Variants in FRMPD4 observed in about 807,000 individuals in gnomAD.
FRMPD4 encodes FERM and PDZ domain-containing protein 4.
Under a neutral mutation model 94.1 loss-of-function variants are expected in FRMPD4, and 22 were observed. The ratio of observed to expected loss-of-function variants is 0.23; its 90% CI spans 0.17 to 0.33. The LOEUF (loss-of-function observed/expected upper bound fraction) is 0.33, where lower values mean the gene tolerates loss of function less well. Among genes scored for constraint, FRMPD4 ranks in the 10% least tolerant of loss-of-function variants. The pLI is 1.00. For missense variants in FRMPD4, 1,111 were observed against 1,339.9 expected, an observed-to-expected ratio of 0.83 and a Z score of 2.67; for synonymous variants, 631 against 548.6, an observed-to-expected ratio of 1.15 and a Z score of -2.10.
chrX:12,239,832 T>A (rs1297282566), intron 1 of FRMPD4, among the ~76,000 whole-genome samples: 2 of 111,480 alleles, frequency 1.8e-5, no homozygotes, highest in Non-Finnish European at 3.8e-5. Flanking sequence ...CAGGAAGAAA[T>A]GAGGGTGATA....
chrX:12,466,419 A>ACTGTGTGAT (rs1021451069), intron 1 of FRMPD4, among the ~76,000 whole-genome samples: 2 of 112,292 alleles, frequency 1.8e-5, no homozygotes, highest in Non-Finnish European at 3.8e-5. Context: ...ATACTTTTAC[A>ACTGTGTGAT]CTGTGTGATT....
chrX:12,632,575 C>T lies in FRMPD4; in HGVS notation c.422+17694C>T, dbSNP rs1454584061. ...AAATTCCTGTAGATGAATGGTTCCC[C>T]AATGGTGGGAATGTTCCAAAATGGC... On this transcript the variant is annotated intron_variant, in intron 4 of 16. Transcript: ENST00000675598. Among the ~76,000 whole-genome samples the T allele has an allele frequency of 5.4e-5, 6 of 111,803 alleles. No individual in the cohort carries two copies. The Admixed American group carries it at 5.7e-4, about 11-fold the overall frequency.
intron 2 of FRMPD4, among the ~76,000 whole-genome samples, chrX:11,867,338 T>C (rs1392405889): frequency 8.9e-6 from 1 of 112,279 alleles, no homozygotes; most frequent in Non-Finnish European, 1.9e-5. Flanking sequence ...CTGTTTCTAA[T>C]GCTTGATTCC....
At chrX:11,868,933 T>TTTGCTA (rs2053739470) in intron 2 of FRMPD4, among the ~76,000 whole-genome samples, 1 of 112,239 alleles carries the variant, frequency 8.9e-6, no homozygotes, top group Non-Finnish European at 1.9e-5. Context: ...ACCTAAAACA[T>TTTGCTA]TTGCTATCTG....
chrX:12,038,525 T>C (rs2054732533), intron 3 of FRMPD4, among the ~76,000 whole-genome samples: 1 of 112,163 alleles, frequency 8.9e-6, no homozygotes, highest in African/African-American at 3.2e-5. Context: ...GAAAAACAAT[T>C]TGATGAAGTC....
rs746470149 is a variant in FRMPD4, at chrX:12,082,890, AAGC to A, written c.95+204877_95+204879del. Among the ~76,000 whole-genome samples the A allele has an allele frequency of 2.7e-5, 3 of 112,222 alleles. No individual in the cohort carries two copies. In the East Asian group the frequency reaches 8.4e-4, roughly 31 times the overall value. ...AGGGTATCTGGCAGAAGAAATTTAT[AAGC>A]AGCAAAGCATTCAAAAGGTAACTTG... On this transcript the variant is annotated intron_variant, in intron 3 of 18. Coordinates refer to the FRMPD4 transcript ENST00000640291.
intron 3 of FRMPD4, among the ~76,000 whole-genome samples, chrX:12,100,133 T>G (rs1215982674): frequency 2.7e-5 from 3 of 112,132 alleles, no homozygotes; most frequent in Non-Finnish European, 3.8e-5. Flanking sequence ...CTGAAAAAAT[T>G]TGTCAATGGC....
At chrX:12,097,310 G>C (rs1011685661) in intron 3 of FRMPD4, among the ~76,000 whole-genome samples, 2 of 111,992 alleles carry the variant, frequency 1.8e-5, no homozygotes, top group African/African-American at 6.5e-5. Flanking sequence ...GCCAGTGAAA[G>C]TTCACAGATT....
At chrX:12,409,619 G>C (rs1203427855) in intron 1 of FRMPD4, among the ~76,000 whole-genome samples, 1 of 112,380 alleles carries the variant, frequency 8.9e-6, no homozygotes, top group Non-Finnish European at 1.9e-5. Flanking sequence ...GCTAAAAATA[G>C]ATGAGCAGAA....
chrX:12,249,034 G>A (rs12848742), intron 1 of FRMPD4, among the ~76,000 whole-genome samples: 37,578 of 111,721 alleles, frequency 0.34, 4,762 homozygotes, highest in Non-Finnish European at 0.4. Flanking sequence ...ATGAGACTCC[G>A]TCTCAAAAAA....
At chrX:12,274,401 G>C (rs1037576348) in intron 1 of FRMPD4, among the ~76,000 whole-genome samples, 2 of 111,791 alleles carry the variant, frequency 1.8e-5, no homozygotes, top group Non-Finnish European at 3.8e-5. Context: ...ATAAAAATAG[G>C]CTATTTTACT....
chrX:12,481,670 G>A lies in FRMPD4; in HGVS notation c.42-17010G>A, dbSNP rs758425150. ...AGAAAGTGTTATTGGGGCCCGGCGC[G>A]GTGGCTAATGCCTGTAATCCCAGCA... On this transcript the variant is annotated intron_variant, in intron 1 of 16. Coordinates refer to ENST00000675598, the MANE Select transcript of FRMPD4 (RefSeq NM_001368397.1). Among the ~76,000 whole-genome samples the A allele has an allele frequency of 1.0e-4, 11 of 109,564 alleles. No individual in the cohort carries two copies. The East Asian group carries it at 2.9e-3, about 28-fold the overall frequency.
chrX:12,398,058 C>T (rs1469268041), intron 1 of FRMPD4, among the ~76,000 whole-genome samples: 1 of 111,001 alleles, frequency 9.0e-6, no homozygotes, highest in African/African-American at 3.3e-5. Context: ...GTTAGGTAAC[C>T]TTGGGGAGCA....
At position 11,955,873 on chromosome X, in the gene FRMPD4, T is replaced by C. The variant is rs188458867; in HGVS notation, c.95+77855T>C. ...TCCTACTAAGTGGGCATCATTTCAC[T>C]CCACAGATGACAAAATTAAATTTCC... On this transcript the variant is annotated intron_variant, in intron 3 of 18. Coordinates refer to the FRMPD4 transcript ENST00000640291. Among the ~76,000 whole-genome samples the C allele has an allele frequency of 2.7e-5, 3 of 111,861 alleles. No homozygotes were observed. The East Asian group carries it at 8.4e-4, about 31-fold the overall frequency.
chrX:12,495,206 C>T (rs941881945), intron 1 of FRMPD4: 7 of 116,921 alleles, frequency 6.0e-5, no homozygotes, highest in African/African-American at 1.9e-4. Context: ...AATAGATGAC[C>T]AAGCCTTTCA....
At chrX:12,346,039 GT>G (rs35552186) in intron 1 of FRMPD4, among the ~76,000 whole-genome samples, 28,650 of 98,786 alleles carry the variant, frequency 0.29, 4,143 homozygotes, top group African/African-American at 0.53. Context: ...AAAATCTCTA[GT>G]TTTTTTTTTT....
chrX:12,355,420 T>C (rs1254575481), intron 1 of FRMPD4, among the ~76,000 whole-genome samples: 1 of 111,887 alleles, frequency 8.9e-6, no homozygotes, highest in Non-Finnish European at 1.9e-5. Flanking sequence ...GCTCAAGCAA[T>C]CCTCCTGCCT....
chrX:12,679,640 A>T (rs1057214819), intron 5 of FRMPD4, among the ~76,000 whole-genome samples: 1 of 111,595 alleles, frequency 9.0e-6, no homozygotes, highest in Non-Finnish European at 1.9e-5. Context: ...GGCAGCAGGA[A>T]AATTTGAATT....
At chrX:12,569,410 T>G (rs2058741402) in intron 2 of FRMPD4, among the ~76,000 whole-genome samples, 1 of 111,958 alleles carries the variant, frequency 8.9e-6, no homozygotes, top group East Asian at 2.8e-4. Flanking sequence ...AGAGTTCAGA[T>G]TTTTTCTCTC....
Sources: gnomAD v4.1 joint callset for allele counts (sites outside exome capture counted in the v4.1 genomes callset) on GRCh38, gnomAD v4.1.1 for gene constraint, MANE v1.5 for transcripts, NCBI Gene and HGNC (gene_info 2026-07-23, HGNC 2026-07-21) for gene names.